The following LRFN2 variants were observed in gnomAD, a reference collection of about 807,000 sequenced individuals.
LRFN2 encodes leucine rich repeat and fibronectin type III domain containing 2.
Under a neutral mutation model 37.3 loss-of-function variants are expected in LRFN2, and 18 were observed. The ratio of observed to expected loss-of-function variants is 0.48; its 90% CI spans 0.33 to 0.72. The LOEUF (loss-of-function observed/expected upper bound fraction) is 0.72, where lower values mean the gene tolerates loss of function less well. LRFN2 is among the 30% of genes least tolerant of loss of function. The probability of loss-of-function intolerance (pLI) is 0.02; values close to 1 mark genes in which losing one functional copy is unlikely to be tolerated. For synonymous variants in LRFN2, 556 were observed against 466.6 expected, an observed-to-expected ratio of 1.19 and a Z score of -2.47; for missense variants, 1,006 against 1,060.7, an observed-to-expected ratio of 0.95 and a Z score of 0.72.
At chr6:40,539,792 G>A (rs1766518141) in intron 1 of LRFN2, among the ~76,000 whole-genome samples, 1 of 152,132 alleles carries the variant, frequency 6.6e-6, no homozygotes. Context: ...GTTTTAGAGG[G>A]GTGTGGGAGG....
intron 2 of LRFN2, among the ~76,000 whole-genome samples, chr6:40,402,341 G>A (rs1036889683): frequency 8.5e-5 from 13 of 152,280 alleles, no homozygotes; most frequent in African/African-American, 3.1e-4. Flanking sequence ...GGTCTGCCAG[G>A]CCACGGAGCA....
In LRFN2 at chr6:40,392,923, A is replaced by C. The variant is rs1349945185; in HGVS notation, c.1401-11T>G. 1 of 1,398,986 alleles carries C rather than the reference A, an allele frequency of 7.1e-7. No homozygotes were observed. The highest frequency in any genetic ancestry group is 9.5e-7 in the Non-Finnish European group (1 of 1,049,816). The allele number at this position is 1,398,986 out of a possible 1,614,324, so 86.7% of individuals were successfully genotyped here. A position where few individuals can be genotyped will look rare whatever the true frequency, so the allele number is the denominator to read the frequency against. On this transcript the variant is annotated splice_polypyrimidine_tract_variant and intron_variant, in intron 2 of 2. Coordinates refer to ENST00000338305, the MANE Select transcript of LRFN2 (RefSeq NM_020737.3). This position sits in a 1 kb window ranked among gnomAD's most constrained non-coding sequence, Gnocchi z 4.7. ...GAGGCTGGGATCATCCTGGGGAGGG[A>C]GGTGGACAGAAATAGTGAGGGGTGG...
At chr6:40,559,663 A>T (rs993560257) in intron 1 of LRFN2, among the ~76,000 whole-genome samples, 8 of 152,108 alleles carry the variant, frequency 5.3e-5, no homozygotes, top group African/African-American at 1.7e-4. Context: ...CTAGGACCAG[A>T]GTCCCTAAAG....
intron 1 of LRFN2, among the ~76,000 whole-genome samples, chr6:40,555,603 C>A (rs1467270972): frequency 6.6e-6 from 1 of 152,138 alleles, no homozygotes; most frequent in Non-Finnish European, 1.5e-5. Flanking sequence ...TGAGATAATT[C>A]TTTCATTCTC....
At chr6:40,465,455 T>C (rs1056805312) in intron 1 of LRFN2, among the ~76,000 whole-genome samples, 3 of 152,210 alleles carry the variant, frequency 2.0e-5, no homozygotes, top group South Asian at 2.1e-4. Context: ...CAGCCCCATA[T>C]TGGCTTCTTG....
At chr6:40,398,471 A>T (rs1339295789) in intron 2 of LRFN2, among the ~76,000 whole-genome samples, 3 of 151,712 alleles carry the variant, frequency 2.0e-5, no homozygotes, top group African/African-American at 7.2e-5. Context: ...AGGCACATGC[A>T]GGTCAGGCTT....
intron 2 of LRFN2, among the ~76,000 whole-genome samples, chr6:40,393,841 C>G (rs1762563191): frequency 6.6e-6 from 1 of 152,208 alleles, no homozygotes; most frequent in Non-Finnish European, 1.5e-5. Flanking sequence ...ACCCACACCT[C>G]CAAAGGGCTT....
chr6:40,513,660 C>T (rs1459855447), intron 1 of LRFN2, among the ~76,000 whole-genome samples: 1 of 152,098 alleles, frequency 6.6e-6, no homozygotes, highest in Middle Eastern at 3.2e-3. Context: ...CTGAACAAAC[C>T]AATTAAGTTA....
At chr6:40,444,576 C>T (rs528329606) in intron 1 of LRFN2, among the ~76,000 whole-genome samples, 3 of 152,248 alleles carry the variant, frequency 2.0e-5, no homozygotes, top group East Asian at 3.9e-4. Context: ...CACTTACAAC[C>T]GGATACAGCA....
At chr6:40,493,936 C>T (rs1765158836) in intron 1 of LRFN2, among the ~76,000 whole-genome samples, 1 of 152,198 alleles carries the variant, frequency 6.6e-6, no homozygotes, top group Non-Finnish European at 1.5e-5. Flanking sequence ...GTGTGCCTTT[C>T]ACCAGAGCCT....
chr6:40,426,416 C>T (rs558099278), intron 2 of LRFN2, among the ~76,000 whole-genome samples: 64 of 152,262 alleles, frequency 4.2e-4, no homozygotes, highest in African/African-American at 1.4e-3. Flanking sequence ...TCCAGTCTGT[C>T]CAGTTCACCA....
chr6:40,422,285 G>T (rs893191198), intron 2 of LRFN2, among the ~76,000 whole-genome samples: 3 of 152,188 alleles, frequency 2.0e-5, no homozygotes, highest in Admixed American at 6.5e-5. Flanking sequence ...GCAGTTTGGA[G>T]ACCAATTCCC....
At position 40,392,816 on chromosome 6, in the gene LRFN2, G is replaced by T; in HGVS notation, c.1497C>A (p.Ala499=). The part of the protein sequence containing the change: ...LCVLAMWDDT[A]TTLTATNIVG... ...CGATGTTGGTGGCCGTGAGTGTCGT[G>T]GCTGTGTCATCCCACATGGCCAGCA... Residue 499 remains alanine (A), a synonymous_variant, in exon 3 of 3, where the codon GCC becomes GCA. Transcript: ENST00000338305. The surrounding 1 kb of genome is among the most constrained non-coding windows in gnomAD (Gnocchi z 4.7). 3 of 1,614,102 alleles carry T rather than the reference G, an allele frequency of 1.9e-6. No individual in the cohort carries two copies. The highest frequency in any genetic ancestry group is 2.5e-6 in the Non-Finnish European group (3 of 1,180,006).
rs1763180304 is a variant in LRFN2, at chr6:40,419,860, C to A, written c.1400+11854G>T. ...GCCAGGCAGTTAGCTCATGGAAAAG[C>A]CCAAGTGGACTAATTTCACCAAGCA... On this transcript the variant is annotated intron_variant, in intron 2 of 2. Transcript: ENST00000338305. 3.3e-5 allele frequency among the ~76,000 whole-genome samples: 5 copies of A among 152,180 alleles called. No homozygotes were observed. In the South Asian group the frequency reaches 1.0e-3, roughly 31 times the overall value.
intron 2 of LRFN2, among the ~76,000 whole-genome samples, chr6:40,394,943 T>C (rs1762582407): frequency 7.3e-6 from 1 of 136,716 alleles, no homozygotes; most frequent in South Asian, 2.5e-4. Flanking sequence ...CCATTTAAAC[T>C]TTTTCTTTTC....
intron 1 of LRFN2, among the ~76,000 whole-genome samples, chr6:40,541,665 C>T (rs1422596725): frequency 2.0e-5 from 3 of 152,168 alleles, no homozygotes; most frequent in Non-Finnish European, 4.4e-5. Context: ...CCAGGGGATA[C>T]AGATCATTGG....
intron 1 of LRFN2, among the ~76,000 whole-genome samples, chr6:40,484,986 G>T (rs73432627): frequency 0.045 from 6,810 of 152,276 alleles, 477 homozygotes; most frequent in African/African-American, 0.15. Context: ...CTTGACTACT[G>T]TAAGAGACCC....
chr6:40,562,901 C>T (rs1389422644), intron 1 of LRFN2, among the ~76,000 whole-genome samples: 2 of 151,528 alleles, frequency 1.3e-5, no homozygotes, highest in Non-Finnish European at 2.9e-5. Context: ...AGATTTGGGA[C>T]TTGCCTGTAG....
At chr6:40,449,815 A>T (rs746095766) in intron 1 of LRFN2, among the ~76,000 whole-genome samples, 3 of 152,168 alleles carry the variant, frequency 2.0e-5, no homozygotes, top group Non-Finnish European at 4.4e-5. Context: ...CCATAGCACA[A>T]TTGACATTGG....
Sources: gnomAD v4.1 joint callset for allele counts (sites outside exome capture counted in the v4.1 genomes callset) on GRCh38, gnomAD v4.1.1 for gene constraint, Gnocchi (gnomAD v3.1) non-coding constraint, MANE v1.5 for transcripts, NCBI Gene and HGNC (gene_info 2026-07-23, HGNC 2026-07-21) for gene names.